EML4: variants seen among roughly 807,000 people sequenced by gnomAD.
EML4 encodes the protein echinoderm microtubule-associated protein-like 4.
A neutral mutation model predicts 129.0 loss-of-function variants in EML4; 72 were observed. The ratio of observed to expected loss-of-function variants is 0.56; its 90% confidence interval spans 0.46 to 0.68. The LOEUF (loss-of-function observed/expected upper bound fraction) is 0.68, where lower values mean the gene tolerates loss of function less well. Ranked by LOEUF, EML4 falls within the 30% of genes least tolerant of loss-of-function variation. The probability of loss-of-function intolerance (pLI) is 0.00; values close to 1 mark genes in which losing one functional copy is unlikely to be tolerated. For missense variants in EML4, 1,363 were observed against 1,190.6 expected, an observed-to-expected ratio of 1.14 and a Z score of -2.13; for synonymous variants, 532 against 405.0, an observed-to-expected ratio of 1.31 and a Z score of -3.77.
At chr2:42,210,588 T>A (rs957913676) in intron 1 of EML4, among the ~76,000 whole-genome samples, 9 of 152,238 alleles carry the variant, frequency 5.9e-5, no homozygotes, top group African/African-American at 2.2e-4. Flanking sequence ...CTTCACTTCT[T>A]GAAGACAGTA....
At chr2:42,207,631 G>C (rs1022638972) in intron 1 of EML4, among the ~76,000 whole-genome samples, 1 of 152,146 alleles carries the variant, frequency 6.6e-6, no homozygotes, top group African/African-American at 2.4e-5. Context: ...AGGGCCAGAG[G>C]AGCTTTCCTG....
chr2:42,295,665 CTTTT>C, intron 13 of EML4, 149 bp downstream of exon 13: 1 of 625,160 alleles, frequency 1.6e-6, no homozygotes, highest in Non-Finnish European at 2.6e-6. Context: ...TCTTCATAAT[CTTTT>C]TTTAATGAAA....
rs190769409 is a variant in EML4 at position 42,286,535 on chromosome 2, A to G, written c.1122+156A>G. Among the ~76,000 whole-genome samples, 28 of 152,348 alleles carry G rather than the reference A, an allele frequency of 1.8e-4. No homozygotes were observed. In the East Asian group the frequency reaches 5.4e-3, roughly 29 times the overall value. The stretch of plus-strand genomic sequence containing the variant: ...ACATATTAGCTATTGCTAAATGGCT[A>G]GCATTTTGACCTAAGTCCTAAAGTA... On this transcript the variant is annotated intron_variant, in intron 10 of 22. Coordinates refer to ENST00000318522, the MANE Select transcript of EML4 (RefSeq NM_019063.5).
At chr2:42,225,272 A>C (rs1673882605) in intron 1 of EML4, among the ~76,000 whole-genome samples, 1 of 152,106 alleles carries the variant, frequency 6.6e-6, no homozygotes, top group Non-Finnish European at 1.5e-5. Context: ...TTATATCTGT[A>C]AGTGGAGTTG....
chr2:42,279,582 C>A (rs191874441), intron 6 of EML4, among the ~76,000 whole-genome samples: 1 of 152,132 alleles, frequency 6.6e-6, no homozygotes, highest in Non-Finnish European at 1.5e-5. Flanking sequence ...CTCAGCCTCC[C>A]AAGTAGCTGG....
chr2:42,259,502 A>G (rs542116406), intron 3 of EML4, among the ~76,000 whole-genome samples: 1 of 152,156 alleles, frequency 6.6e-6, no homozygotes, highest in South Asian at 2.1e-4. Flanking sequence ...ATTCACCTGT[A>G]TTCATTCATC....
At chr2:42,289,633 A>G (rs1558578875) in intron 11 of EML4, 1 of 152,152 alleles carries the variant, frequency 6.6e-6, no homozygotes, top group Non-Finnish European at 1.5e-5. Context: ...CTAGCTACCT[A>G]AGCTAGAAAC....
chr2:42,254,307 A>G (rs763402480), intron 2 of EML4, among the ~76,000 whole-genome samples: 6 of 152,180 alleles, frequency 3.9e-5, no homozygotes, highest in Non-Finnish European at 7.4e-5. Context: ...AAATATAAAA[A>G]TTAGCCAGGC....
At position 42,174,901 on chromosome 2, in the gene EML4, TCCG is replaced by T. The variant is rs1214201373; in HGVS notation, c.25+5268_25+5270del. 8.9e-4 allele frequency among the ~76,000 whole-genome samples: 135 copies of T among 151,628 alleles called. 1 individual carries two copies. The South Asian group carries it at 0.027, about 31-fold the overall frequency. The stretch of plus-strand genomic sequence containing the variant: ...GGCGCGATCTCGGCTCACTGCAGCC[TCCG>T]CCTCCCGGGTTTAGGCAGTTATCTG... On this transcript the variant is annotated intron_variant, in intron 1 of 22. Coordinates refer to ENST00000318522, the MANE Select transcript of EML4 (RefSeq NM_019063.5).
chr2:42,252,793 C>T (rs142396053), intron 2 of EML4, among the ~76,000 whole-genome samples: 93 of 152,184 alleles, frequency 6.1e-4, no homozygotes, highest in African/African-American at 2.2e-3. Context: ...AGGCCTTATT[C>T]TGTGTTTTTT....
intron 1 of EML4, among the ~76,000 whole-genome samples, chr2:42,193,886 A>G (rs113692757): frequency 1.2e-4 from 18 of 151,970 alleles, no homozygotes; most frequent in African/African-American, 3.6e-4. Context: ...GGATCTCACT[A>G]TGTTGCCTGT....
At chr2:42,214,794 G>A (rs188975058) in intron 1 of EML4, among the ~76,000 whole-genome samples, 22 of 152,286 alleles carry the variant, frequency 1.4e-4, no homozygotes, top group Non-Finnish European at 3.2e-4. Flanking sequence ...CTCTGGTATG[G>A]TGGCTCAGAG....
chr2:42,179,109 C>T (rs373000348), intron 1 of EML4, among the ~76,000 whole-genome samples: 1 of 151,968 alleles, frequency 6.6e-6, no homozygotes, highest in East Asian at 1.9e-4. Flanking sequence ...TAAATATCAC[C>T]AATGGATTTG....
chr2:42,223,041 C>T (rs189838597), intron 1 of EML4, among the ~76,000 whole-genome samples: 45 of 152,098 alleles, frequency 3.0e-4, no homozygotes, highest in African/African-American at 9.2e-4. Context: ...CCTCGTGATC[C>T]GCCCTCCACC....
At chr2:42,182,803 T>C (rs1207799659) in intron 1 of EML4, among the ~76,000 whole-genome samples, 1 of 152,166 alleles carries the variant, frequency 6.6e-6, no homozygotes, top group Non-Finnish European at 1.5e-5. Context: ...CAGAAATCAA[T>C]GTTTCATCAG....
chr2:42,231,948 C>CAAA (rs556284848), intron 1 of EML4, among the ~76,000 whole-genome samples: 3,917 of 139,292 alleles, frequency 0.028, 152 homozygotes, highest in African/African-American at 0.096. Context: ...GACTCCGTCT[C>CAAA]AAAAAAAAAA....
intron 19 of EML4, among the ~76,000 whole-genome samples, chr2:42,319,104 C>G (rs1669392489): frequency 6.6e-6 from 1 of 152,110 alleles, no homozygotes; most frequent in African/African-American, 2.4e-5. Flanking sequence ...TACAGGTAGC[C>G]CTGTAGCACT....
intron 13 of EML4, among the ~76,000 whole-genome samples, chr2:42,300,266 C>T (rs565401642): frequency 6.6e-6 from 1 of 152,240 alleles, no homozygotes; most frequent in African/African-American, 2.4e-5. Context: ...CATCATCTTC[C>T]AAAAAGCTTT....
intron 6 of EML4, among the ~76,000 whole-genome samples, chr2:42,270,812 A>G (rs1171086846): frequency 6.6e-6 from 1 of 152,246 alleles, no homozygotes; most frequent in Non-Finnish European, 1.5e-5. Context: ...TTTAGGAAGA[A>G]GTTTGTTGAG....
Sources: gnomAD v4.1 joint callset for allele counts (sites outside exome capture counted in the v4.1 genomes callset) on GRCh38, gnomAD v4.1.1 for gene constraint, MANE v1.5 for transcripts, NCBI Gene and HGNC (gene_info 2026-07-23, HGNC 2026-07-21) for gene names.